The following CA10 variants were observed in gnomAD, a reference collection of about 807,000 sequenced individuals.
CA10 encodes carbonic anhydrase 10 (inactive), also known as carbonic anhydrase-related protein 10.
CA10 carries 14 observed loss-of-function variants against 44.2 expected under a neutral mutation model. That is an observed-to-expected ratio of 0.32 (90% CI 0.21 to 0.50). The LOEUF (loss-of-function observed/expected upper bound fraction) is 0.50. Among genes scored for constraint, CA10 ranks in the 20% least tolerant of loss-of-function variants. The pLI is 0.99. For synonymous variants in CA10, 159 were observed against 141.6 expected (o/e 1.12, Z -0.87); for missense variants, 350 against 409.7 (o/e 0.85, Z 1.26).
At chr17:52,078,054 C>T (rs933983394) in intron 1 of CA10, among the ~76,000 whole-genome samples, 5 of 152,224 alleles carry the variant, frequency 3.3e-5, no homozygotes, top group African/African-American at 1.2e-4. Flanking sequence ...TGGATCCAGA[C>T]TAAAACTTCC....
At chr17:51,921,224 A>G (rs2143972118) in intron 3 of CA10, among the ~76,000 whole-genome samples, 1 of 152,310 alleles carries the variant, frequency 6.6e-6, no homozygotes, top group South Asian at 2.1e-4. Context: ...GGTCAAGTCA[A>G]AGCTCTCATC....
At chr17:51,759,720 G>A (rs1015445428) in intron 3 of CA10, among the ~76,000 whole-genome samples, 5 of 152,034 alleles carry the variant, frequency 3.3e-5, no homozygotes, top group African/African-American at 1.2e-4. Flanking sequence ...TTCCTCTCCT[G>A]AGCTTCCTTT....
intron 4 of CA10, among the ~76,000 whole-genome samples, chr17:51,745,204 G>T (rs1217606673): frequency 1.3e-5 from 2 of 152,004 alleles, no homozygotes; most frequent in Non-Finnish European, 2.9e-5. Context: ...AGTCCCCTTT[G>T]TTTAGAAAAC....
chr17:52,137,577 C>G (rs1002668263), intron 1 of CA10, among the ~76,000 whole-genome samples: 8 of 152,258 alleles, frequency 5.3e-5, no homozygotes, highest in African/African-American at 1.9e-4. Context: ...TCTTGACTGT[C>G]AGCTTTGAGT....
At chr17:51,651,040 A>T (rs1913542988) in intron 5 of CA10, among the ~76,000 whole-genome samples, 1 of 152,114 alleles carries the variant, frequency 6.6e-6, no homozygotes, top group Admixed American at 6.5e-5. Context: ...GATAAATAAA[A>T]CTCATAGATA....
chr17:52,014,358 G>A (rs1009910103), intron 2 of CA10, among the ~76,000 whole-genome samples: 10 of 151,872 alleles, frequency 6.6e-5, no homozygotes, highest in South Asian at 4.1e-4. Flanking sequence ...TACGAAGAAC[G>A]TGGCATTAAA....
At chr17:52,044,299 G>T (rs1986848858) in intron 2 of CA10, among the ~76,000 whole-genome samples, 1 of 151,874 alleles carries the variant, frequency 6.6e-6, no homozygotes, top group South Asian at 2.1e-4. Context: ...ATGTTTCTGG[G>T]AATTTATTTT....
chr17:51,721,429 G>A (rs952770899), intron 4 of CA10, among the ~76,000 whole-genome samples: 3 of 151,956 alleles, frequency 2.0e-5, no homozygotes, highest in Admixed American at 6.5e-5. Flanking sequence ...CTACCTCCTA[G>A]GTTCAGGTGA....
chr17:51,939,683 A>G (rs896603829), intron 2 of CA10, among the ~76,000 whole-genome samples: 2 of 152,012 alleles, frequency 1.3e-5, no homozygotes, highest in African/African-American at 2.4e-5. Flanking sequence ...GTATATTCTC[A>G]TATGCTCATT....
intron 3 of CA10, among the ~76,000 whole-genome samples, chr17:51,850,931 T>A (rs538306052): frequency 3.8e-4 from 58 of 152,298 alleles, no homozygotes; most frequent in African/African-American, 1.4e-3. Context: ...GAGGGCAGGT[T>A]ATGGAGATCC....
chr17:51,866,017 A>T (rs1354402986), intron 3 of CA10, among the ~76,000 whole-genome samples: 1 of 152,206 alleles, frequency 6.6e-6, no homozygotes, highest in East Asian at 1.9e-4. Flanking sequence ...TCTCCCTATT[A>T]ACTGTGCCCT....
intron 1 of CA10, among the ~76,000 whole-genome samples, chr17:52,084,212 G>A (rs186737455): frequency 3.4e-4 from 52 of 152,286 alleles, no homozygotes; most frequent in Non-Finnish European, 3.8e-4. Flanking sequence ...CCCAATGCCC[G>A]GTAGAAAAGT....
chr17:51,771,078 C>T (rs768672874), intron 3 of CA10, among the ~76,000 whole-genome samples: 21 of 133,990 alleles, frequency 1.6e-4, no homozygotes, highest in Admixed American at 2.6e-4. Context: ...GAGCTGAGAT[C>T]GTACCACTGC....
chr17:51,636,085 C>CATACATATACAT (rs113563920), intron 6 of CA10, 76 bp from the exon 7 acceptor site: 2 of 750,640 alleles, frequency 2.7e-6, no homozygotes, highest in Admixed American at 2.5e-5. Flanking sequence ...TACATACATA[C>CATACATATACAT]ATACATATAC....
At chr17:51,977,262 C>T (rs1984495521) in intron 2 of CA10, among the ~76,000 whole-genome samples, 1 of 151,900 alleles carries the variant, frequency 6.6e-6, no homozygotes, top group Non-Finnish European at 1.5e-5. Context: ...CAATACCTCT[C>T]ATGAACCCAG....
chr17:51,969,708 G>A (rs1984211597), intron 2 of CA10, among the ~76,000 whole-genome samples: 1 of 151,774 alleles, frequency 6.6e-6, no homozygotes, highest in Admixed American at 6.6e-5. Context: ...GCGAGGGATT[G>A]TGTTAAGCAA....
intron 4 of CA10, among the ~76,000 whole-genome samples, chr17:51,729,779 C>T (rs1300533129): frequency 6.6e-6 from 1 of 152,154 alleles, no homozygotes; most frequent in African/African-American, 2.4e-5. Context: ...TCTGCTTTCT[C>T]TAATGAGGTG....
At chr17:52,012,391 A>C (rs1985827985) in intron 2 of CA10, among the ~76,000 whole-genome samples, 1 of 152,012 alleles carries the variant, frequency 6.6e-6, no homozygotes, top group African/African-American at 2.4e-5. Flanking sequence ...AATCACATAC[A>C]TGCATCTATG....
chr17:51,885,065 G>T (rs904260740), intron 3 of CA10, among the ~76,000 whole-genome samples: 1 of 152,178 alleles, frequency 6.6e-6, no homozygotes, highest in Non-Finnish European at 1.5e-5. Flanking sequence ...AAGTATCAGG[G>T]ATTAGGGGTT....
Sources: allele counts gnomAD v4.1 joint callset (sites outside exome capture counted in the v4.1 genomes callset), GRCh38; gene constraint gnomAD v4.1.1; transcripts MANE v1.5; gene names NCBI Gene and HGNC (gene_info 2026-07-23, HGNC 2026-07-21).